SYMPK: variants seen among roughly 807,000 people sequenced by gnomAD.
SYMPK encodes the protein symplekin scaffold protein, also known as symplekin.
A neutral mutation model predicts 136.4 loss-of-function variants in SYMPK; 49 were observed. The observed-to-expected ratio is 0.36, with a 90% confidence interval of 0.29 to 0.46. The LOEUF (loss-of-function observed/expected upper bound fraction) is 0.46. SYMPK is among the 20% of genes least tolerant of loss of function. The pLI is 1.00. For synonymous variants in SYMPK, 766 were observed against 713.0 expected (o/e 1.07, Z -1.19); for missense variants, 1,365 against 1,690.0 (o/e 0.81, Z 3.37).
intron 16 of SYMPK, 21 bp downstream of exon 16, chr19:45,827,489 G>A (rs1245965869): frequency 6.3e-7 from 1 of 1,591,450 alleles, no homozygotes; most frequent in African/African-American, 1.3e-5. Flanking sequence ...AGGGCAGCCA[G>A]GAAGTGGAGG....
Position 45,816,896 on chromosome 19 carries a change from G to T in SYMPK, c.3160C>A (p.Leu1054Met). The change falls in exon 24 of 27, where the codon CTG becomes ATG. Residue 1054 changes from leucine (L) to methionine (M), a missense_variant. Leu to Met is a conservative substitution (Grantham distance 15). This residue lies in a region of SYMPK where 156 missense variants were observed against 217.8 expected (regional missense o/e 0.72). Coordinates refer to ENST00000245934, the MANE Select transcript of SYMPK (RefSeq NM_004819.3). ...RTKPQSFQVI[L>M]QLPPQQLGAV... ...CCCAGCTGCTGGGGCGGCAGCTGCAGGATGACCTGGAAGCTCTGGGGCTTT... is the reference window on the plus strand; with the variant it reads ...CCCAGCTGCTGGGGCGGCAGCTGCATGATGACCTGGAAGCTCTGGGGCTTT... 6.4e-7 allele frequency: 1 copy of T among 1,553,596 alleles called. No homozygotes were observed. Among genetic ancestry groups the T allele is most frequent in the Non-Finnish European group, 8.7e-7 (1 of 1,148,606 alleles).
intron 19 of SYMPK, 50 bp downstream of exon 19, chr19:45,823,717 G>C (rs1970964354): frequency 6.5e-7 from 1 of 1,533,030 alleles, no homozygotes. Context: ...GCCCGGGGAA[G>C]GCTAAGGAGA....
At chr19:45,857,965 A>C (rs1971874327) in intron 1 of SYMPK, among the ~76,000 whole-genome samples, 1 of 151,312 alleles carries the variant, frequency 6.6e-6, no homozygotes, top group Non-Finnish European at 1.5e-5. Flanking sequence ...CATCCAGCTA[A>C]TTTTTGTATT....
chr19:45,817,421 T>C (rs1185369278), intron 23 of SYMPK, among the ~76,000 whole-genome samples: 3 of 8,528 alleles, frequency 3.5e-4, no homozygotes, highest in South Asian at 7.4e-3. Flanking sequence ...TGTTCTCTTT[T>C]TTTTTTTTTT....
At chr19:45,823,161 G>C (rs565398248) in intron 20 of SYMPK, among the ~76,000 whole-genome samples, 2 of 152,214 alleles carry the variant, frequency 1.3e-5, no homozygotes, top group Non-Finnish European at 2.9e-5. Context: ...ATTGGCACCC[G>C]GGTGCCCATG....
At chr19:45,828,371 G>A (rs545642928) in intron 14 of SYMPK, 2 of 187,964 alleles carry the variant, frequency 1.1e-5, no homozygotes, top group Admixed American at 5.5e-5. Context: ...TGACATGTTC[G>A]AGGAACAGAC....
At chr19:45,858,058 C>T (rs936713626) in intron 1 of SYMPK, among the ~76,000 whole-genome samples, 7 of 152,162 alleles carry the variant, frequency 4.6e-5, no homozygotes, top group African/African-American at 1.4e-4. Context: ...CTTGGCCTCC[C>T]AAATTGCTGG....
At position 45,827,612 on chromosome 19, in the gene SYMPK, A is replaced by G. The variant is rs762764358; in HGVS notation, c.2079T>C (p.Tyr693=). The G allele has an allele frequency of 9.9e-6, 16 of 1,614,002 alleles. No homozygotes were observed. The highest frequency in any genetic ancestry group is 1.7e-5 in the Admixed American group (1 of 59,996). The part of the protein sequence containing the change: ...RKYCEDESRT[Y]LGMSTLRDLI... ...GGTCTCGAAGTGTGGACATGCCCAG[A>G]TAGGTGCGACTCTGCAGCAAAAGGA... The change falls in exon 16 of 27, where the codon TAT becomes TAC. Residue 693 remains tyrosine (Y), a synonymous_variant. Transcript: ENST00000245934.
chr19:45,820,350 GCCTTGGTGCCT>G (rs1207731863), intron 22 of SYMPK: 2 of 152,356 alleles, frequency 1.3e-5, no homozygotes, highest in Admixed American at 1.3e-4. Context: ...CCCACGAGAG[GCCTTGGTGCCT>G]CCTGGGTTTT....
intron 11 of SYMPK, among the ~76,000 whole-genome samples, chr19:45,834,271 C>T (rs1420436716): frequency 6.7e-6 from 1 of 149,122 alleles, no homozygotes; most frequent in Non-Finnish European, 1.5e-5. Context: ...CTGGGTGACA[C>T]TGCAAGACTG....
At chr19:45,854,808 C>T (rs1203855619) in intron 1 of SYMPK, 1 of 403,818 alleles carries the variant, frequency 2.5e-6, no homozygotes, top group Non-Finnish European at 4.7e-6. Flanking sequence ...GCAACAGCCA[C>T]CTTGCAGGTC....
In SYMPK at chr19:45,848,811, T is replaced by C. The variant is rs887400035; in HGVS notation, c.365A>G (p.Asn122Ser). 65 of 1,613,952 alleles carry C rather than the reference T, an allele frequency of 4.0e-5. No individual in the cohort carries two copies. The highest frequency in any genetic ancestry group is 5.3e-5 in the Non-Finnish European group (63 of 1,180,052). The change falls in exon 6 of 27, where the codon AAT (asparagine) becomes AGT (serine). Residue 122 changes from asparagine to serine, a missense_variant. Physicochemically the swap from Asn to Ser is conservative, Grantham distance 46. Coordinates refer to ENST00000245934, the MANE Select transcript of SYMPK (RefSeq NM_004819.3). ...ANLNMLLRDE[N>S]VNVVKKAILT... ...GATAGCCTTCTTCACCACGTTCACA[T>C]TCTCGTCCCTCAAGAGCATGTTGAG...
chr19:45,816,214 A>C, intron 25 of SYMPK, 31 bp from the exon 26 acceptor site: 1 of 1,436,216 alleles, frequency 7.0e-7, no homozygotes, highest in Non-Finnish European at 9.3e-7. Context: ...ACAGAAGCTC[A>C]GAGGTGGGTG....
chr19:45,841,276 G>A (rs1219294263), intron 9 of SYMPK, among the ~76,000 whole-genome samples: 1 of 148,548 alleles, frequency 6.7e-6, no homozygotes, highest in African/African-American at 2.5e-5. Flanking sequence ...GAGCCACTGT[G>A]CCTGGCAATT....
intron 10 of SYMPK, among the ~76,000 whole-genome samples, chr19:45,837,616 CAAAAAAAAAAA>C (rs58960244): frequency 2.6e-5 from 2 of 77,542 alleles, no homozygotes; most frequent in African/African-American, 5.3e-5. Flanking sequence ...GACTCTGCCT[CAAAAAAAAAAA>C]AAAAAAAAAA....
intron 1 of SYMPK, chr19:45,855,229 G>A (rs1971794897): frequency 2.0e-5 from 3 of 152,186 alleles, no homozygotes; most frequent in Admixed American, 6.6e-5. Context: ...CACAGAGTCC[G>A]GCACATAGTA....
rs766395793 is a variant in SYMPK, at chr19:45,815,648, G to C, written c.3737C>G (p.Thr1246Ser). 6.2e-7 allele frequency: 1 copy of C among 1,611,016 alleles called. No homozygotes were observed. Among genetic ancestry groups the C allele is most frequent in the Non-Finnish European group, 8.5e-7 (1 of 1,179,240 alleles). The change falls in exon 27 of 27, where the codon ACC becomes AGC. Residue 1246 changes from threonine (T) to serine (S), a missense_variant. Transcript: ENST00000245934. ...LTLKEERSPQ[T>S]LAPVGEDAMK... ...AGCATCTTCTCCAACAGGTGCGAGG[G>C]TCTGGGGGCTCCGCTCCTCCTTCAA...
intron 22 of SYMPK, chr19:45,820,430 A>G (rs1428370791): frequency 6.6e-6 from 1 of 152,224 alleles, no homozygotes; most frequent in Non-Finnish European, 1.5e-5. Flanking sequence ...TTTCTCAGAG[A>G]ACTTGCAGAG....
At chr19:45,852,253 A>G (rs1268308685) in intron 5 of SYMPK, 59 bp downstream of exon 5, 11 of 1,592,248 alleles carry the variant, frequency 6.9e-6, no homozygotes, top group Non-Finnish European at 9.5e-6. Context: ...AGGCCAGGCC[A>G]CGAGCTGAAG....
Sources: allele counts gnomAD v4.1 joint callset (sites outside exome capture counted in the v4.1 genomes callset), GRCh38; gene constraint gnomAD v4.1.1; regional missense constraint gnomAD v4.1.1; transcripts MANE v1.5; gene names NCBI Gene and HGNC (gene_info 2026-07-23, HGNC 2026-07-21).